Variants in SNTG1 observed in about 807,000 individuals in gnomAD.
SNTG1 encodes syntrophin gamma 1.
Under a neutral mutation model 74.7 loss-of-function variants are expected in SNTG1, and 39 were observed. That is an observed-to-expected ratio of 0.52 (90% CI 0.40 to 0.68). SNTG1 has a LOEUF of 0.68. Among genes scored for constraint, SNTG1 ranks in the 30% least tolerant of loss-of-function variants. SNTG1 has a pLI of 0.00. For synonymous variants in SNTG1, 254 were observed against 217.1 expected (o/e 1.17, Z -1.49); for missense variants, 685 against 609.5 (o/e 1.12, Z -1.30).
At position 50,364,618 on chromosome 8, in the gene SNTG1, G is replaced by A. The variant is rs1275115515; in HGVS notation, c.-27-29594G>A. On this transcript the variant is annotated intron_variant, in intron 2 of 18. Coordinates refer to ENST00000642720, the MANE Select transcript of SNTG1 (RefSeq NM_018967.5). ...ACATAACACCATTGCATTAATTACA[G>A]CACCTCTCATTATTATATTGGCTGT... 2.0e-5 allele frequency among the ~76,000 whole-genome samples: 3 copies of A among 151,826 alleles called. 1 individual carries two copies. The highest frequency in any genetic ancestry group is 1.9e-4 in the East Asian group (1 of 5,178).
intron 1 of SNTG1, among the ~76,000 whole-genome samples, chr8:50,056,213 A>G (rs1820009519): frequency 6.6e-6 from 1 of 152,088 alleles, no homozygotes; most frequent in Admixed American, 6.6e-5. Context: ...TAGTTGAGTT[A>G]GAGCAAATTA....
At chr8:50,227,218 A>C (rs2085374088) in intron 2 of SNTG1, among the ~76,000 whole-genome samples, 1 of 152,096 alleles carries the variant, frequency 6.6e-6, no homozygotes, top group African/African-American at 2.4e-5. Context: ...CCTATAGAAA[A>C]AATGAATTGT....
intron 2 of SNTG1, among the ~76,000 whole-genome samples, chr8:50,189,581 G>C (rs1020748371): frequency 1.3e-5 from 2 of 152,078 alleles, no homozygotes; most frequent in African/African-American, 4.8e-5. Context: ...TTTTGTTTCT[G>C]AATTTGTTCT....
At chr8:50,067,847 G>T (rs1000639) in intron 1 of SNTG1, among the ~76,000 whole-genome samples, 35,712 of 152,042 alleles carry the variant, frequency 0.23, 4,252 homozygotes, top group South Asian at 0.38. Context: ...CAGTACTCGG[G>T]CACACAGCCT....
At chr8:50,592,707 CATT>C (rs1466196784) in intron 13 of SNTG1, among the ~76,000 whole-genome samples, 1 of 152,202 alleles carries the variant, frequency 6.6e-6, no homozygotes, top group African/African-American at 2.4e-5. Flanking sequence ...TAATATTATT[CATT>C]ATATAATAAT....
In SNTG1 at chr8:50,209,975, C is replaced by G. The variant is rs372385569; in HGVS notation, c.-28+37340C>G. Among the ~76,000 whole-genome samples the G allele has an allele frequency of 7.2e-5, 11 of 152,206 alleles. No individual in the cohort carries two copies. In the East Asian group the frequency reaches 9.7e-4, roughly 13 times the overall value. On this transcript the variant is annotated intron_variant, in intron 2 of 18. Coordinates refer to ENST00000642720, the MANE Select transcript of SNTG1 (RefSeq NM_018967.5). ...AATCCATTGCAAAGAAGCTAAAAAC[C>G]TTGAAAAAATATTAGACGAATGGCT...
At chr8:50,494,577 G>C (rs1372714587) in intron 8 of SNTG1, among the ~76,000 whole-genome samples, 1 of 151,940 alleles carries the variant, frequency 6.6e-6, no homozygotes, top group Non-Finnish European at 1.5e-5. Context: ...AATGGATCTT[G>C]AGCTACTCAT....
chr8:49,921,976 T>C (rs769638839), intron 1 of SNTG1, among the ~76,000 whole-genome samples: 1 of 152,162 alleles, frequency 6.6e-6, no homozygotes, highest in Non-Finnish European at 1.5e-5. Context: ...TATTTTATCA[T>C]CCTATTATAT....
intron 15 of SNTG1, among the ~76,000 whole-genome samples, chr8:50,683,316 A>G (rs2095338603): frequency 6.6e-6 from 1 of 152,206 alleles, no homozygotes; most frequent in Non-Finnish European, 1.5e-5. Flanking sequence ...AGAAATAACT[A>G]TAGGCATGTA....
chr8:49,985,288 C>T (rs1813050535), intron 1 of SNTG1, among the ~76,000 whole-genome samples: 1 of 152,168 alleles, frequency 6.6e-6, no homozygotes, highest in Non-Finnish European at 1.5e-5. Flanking sequence ...TACAGGTGCG[C>T]ATCGCCATGC....
At chr8:49,943,438 C>G (rs575265907) in intron 1 of SNTG1, among the ~76,000 whole-genome samples, 1 of 152,338 alleles carries the variant, frequency 6.6e-6, no homozygotes, top group South Asian at 2.1e-4. Flanking sequence ...GGCTTCACAT[C>G]TCTGAAACTG....
At chr8:50,701,701 TTCC>T in intron 15 of SNTG1, among the ~76,000 whole-genome samples, 1 of 150,092 alleles carries the variant, frequency 6.7e-6, no homozygotes, top group East Asian at 2.0e-4. Context: ...TGCCTTCCTC[TTCC>T]TCTTCATCTT....
At chr8:50,224,461 G>T (rs963632091) in intron 2 of SNTG1, among the ~76,000 whole-genome samples, 1 of 152,156 alleles carries the variant, frequency 6.6e-6, no homozygotes, top group African/African-American at 2.4e-5. Flanking sequence ...GGAAGACTCA[G>T]GACCCTAGGC....
At chr8:50,423,864 G>A (rs1168650635) in intron 4 of SNTG1, among the ~76,000 whole-genome samples, 1 of 152,158 alleles carries the variant, frequency 6.6e-6, no homozygotes, top group Non-Finnish European at 1.5e-5. Context: ...CTGAGTGCCT[G>A]ACATCGCGTT....
chr8:50,787,475 C>T (rs1322366631), intron 18 of SNTG1, among the ~76,000 whole-genome samples: 2 of 151,796 alleles, frequency 1.3e-5, no homozygotes, highest in African/African-American at 4.8e-5. Context: ...TGTCATATGA[C>T]CCAGCAATTC....
intron 2 of SNTG1, among the ~76,000 whole-genome samples, chr8:50,213,785 T>G (rs1245457297): frequency 1.3e-5 from 2 of 152,040 alleles, no homozygotes. Context: ...TGTCTGTTTT[T>G]TTCTTGTAAA....
intron 5 of SNTG1, among the ~76,000 whole-genome samples, chr8:50,440,803 C>T (rs1046033005): frequency 6.6e-6 from 1 of 152,138 alleles, no homozygotes; most frequent in African/African-American, 2.4e-5. Flanking sequence ...ACTGAAAAGC[C>T]ATTTACCAAT....
At chr8:50,165,569 C>T (rs542590904) in intron 1 of SNTG1, among the ~76,000 whole-genome samples, 26 of 152,258 alleles carry the variant, frequency 1.7e-4, no homozygotes, top group African/African-American at 4.8e-4. Flanking sequence ...ATTAAATTTA[C>T]GTCATCTTCA....
intron 1 of SNTG1, among the ~76,000 whole-genome samples, chr8:49,962,922 C>A (rs1810825304): frequency 1.3e-5 from 2 of 152,134 alleles, no homozygotes; most frequent in Non-Finnish European, 2.9e-5. Context: ...GATTCCCGGG[C>A]TGTTTGTAGC....
Sources: allele counts gnomAD v4.1 joint callset (sites outside exome capture counted in the v4.1 genomes callset), GRCh38; gene constraint gnomAD v4.1.1; transcripts MANE v1.5; gene names NCBI Gene and HGNC (gene_info 2026-07-23, HGNC 2026-07-21).